Variants in GRHL3 observed in about 807,000 individuals in gnomAD.
The protein encoded by GRHL3 is grainyhead like transcription factor 3.
Under a neutral mutation model 70.3 loss-of-function variants are expected in GRHL3, and 20 were observed. That is an observed-to-expected ratio of 0.28 (90% confidence interval 0.20 to 0.41). The LOEUF (loss-of-function observed/expected upper bound fraction) is 0.41, where lower values mean the gene tolerates loss of function less well. Among genes scored for constraint, GRHL3 ranks in the 10% least tolerant of loss-of-function variants. The pLI is 1.00. For missense variants in GRHL3, 637 were observed against 762.3 expected, an observed-to-expected ratio of 0.84 and a Z score of 1.94; for synonymous variants, 299 against 299.9, an observed-to-expected ratio of 1.00 and a Z score of 0.03.
intron 7 of GRHL3, among the ~76,000 whole-genome samples, chr1:24,338,793 A>T (rs1055668962): frequency 2.0e-5 from 3 of 152,232 alleles, no homozygotes; most frequent in Admixed American, 1.3e-4. Flanking sequence ...GGAGCCAGAC[A>T]GATCTGAGCT....
In GRHL3 at chr1:24,352,919, A is replaced by G. The variant is rs1016054791; in HGVS notation, c.1695-1455A>G. Among the ~76,000 whole-genome samples the G allele has an allele frequency of 2.6e-5, 4 of 152,178 alleles. 1 individual carries two copies. Among genetic ancestry groups the G allele is most frequent in the South Asian group, 4.1e-4 (2 of 4,828 alleles). ...TTCTTCCTGAGAGCGGCAGGGAGAG[A>G]CAACTGGATGTGGGCCATGCCTTCG... is the stretch of plus-strand genomic sequence containing the variant. On this transcript the variant is annotated intron_variant, in intron 15 of 15. Coordinates refer to ENST00000361548, the MANE Select transcript of GRHL3 (RefSeq NM_198173.3).
At chr1:24,336,209 T>G (rs1374142772) in intron 3 of GRHL3, among the ~76,000 whole-genome samples, 2 of 151,836 alleles carry the variant, frequency 1.3e-5, no homozygotes, top group Non-Finnish European at 2.9e-5. Flanking sequence ...CGATTAAACT[T>G]TCAGGGTTTT....
At chr1:24,328,628 G>C (rs1245991384) in intron 1 of GRHL3, among the ~76,000 whole-genome samples, 1 of 152,170 alleles carries the variant, frequency 6.6e-6, no homozygotes, top group Non-Finnish European at 1.5e-5. Context: ...CCTAGAGTCA[G>C]CAGATTGGGG....
At chr1:24,345,416 G>A (rs1640239573) in intron 12 of GRHL3, among the ~76,000 whole-genome samples, 2 of 150,738 alleles carry the variant, frequency 1.3e-5, no homozygotes, top group Admixed American at 6.6e-5. Context: ...GCCAGAGGAG[G>A]AAGCCACCAG....
intron 15 of GRHL3, among the ~76,000 whole-genome samples, chr1:24,351,010 C>T (rs1640483992): frequency 6.6e-6 from 1 of 152,192 alleles, no homozygotes; most frequent in Non-Finnish European, 1.5e-5. Context: ...TGGCATAGGG[C>T]CCCCAGACAG....
At chr1:24,330,768 T>G (rs1211598055) in intron 1 of GRHL3, among the ~76,000 whole-genome samples, 1 of 152,224 alleles carries the variant, frequency 6.6e-6, no homozygotes, top group Non-Finnish European at 1.5e-5. Flanking sequence ...CTTGTATTTG[T>G]CCAAGCTTCT....
intron 14 of GRHL3, among the ~76,000 whole-genome samples, chr1:24,349,242 G>A (rs1182035848): frequency 6.6e-6 from 1 of 152,198 alleles, no homozygotes; most frequent in Non-Finnish European, 1.5e-5. Flanking sequence ...CACTCAACAA[G>A]CCTCTGACCC....
downstream of GRHL3, chr1:24,358,449 A>G: frequency 1.9e-6 from 2 of 1,073,440 alleles, no homozygotes; most frequent in Non-Finnish European, 2.9e-6. Context: ...GTCAGCTGCC[A>G]CACTCATGAT....
In GRHL3 at chr1:24,322,995, A is replaced by G. The variant is rs1262673276; in HGVS notation, c.17+3427A>G. 5.5e-6 allele frequency: 7 copies of G among 1,261,300 alleles called. No individual in the cohort carries two copies. The highest frequency in any genetic ancestry group is 7.9e-6 in the Non-Finnish European group (7 of 886,428). The allele number at this position is 1,261,300 out of a possible 1,614,324, so 78.1% of individuals were successfully genotyped here. A position where few individuals can be genotyped will look rare whatever the true frequency, so the allele number is the denominator to read the frequency against. On this transcript the variant is annotated intron_variant, in intron 1 of 15. Transcript: ENST00000361548. The surrounding 1 kb of genome is among the most constrained non-coding windows in gnomAD (Gnocchi z 4.4). Reference sequence around the variant, plus strand: ...AACCGGGTCTTAGCCGAGCAGCCATAGGCCACCCCGCTTCCTCTGTGCTTA... The same window carrying G: ...AACCGGGTCTTAGCCGAGCAGCCATGGGCCACCCCGCTTCCTCTGTGCTTA...
At chr1:24,357,809 C>G (rs369823252), downstream of GRHL3, 2 of 271,434 alleles carry the variant, frequency 7.4e-6, no homozygotes, top group South Asian at 9.0e-5. Context: ...GCCATGTGGA[C>G]TCCATGGAAG....
At chr1:24,347,710 G>A (rs1640347539) in intron 14 of GRHL3, among the ~76,000 whole-genome samples, 157 bp downstream of exon 14, 2 of 152,144 alleles carry the variant, frequency 1.3e-5, no homozygotes, top group African/African-American at 2.4e-5. Context: ...GGGCCCTGCC[G>A]GTGGGGGTGT....
chr1:24,347,727 G>T (rs1640348321), intron 14 of GRHL3, among the ~76,000 whole-genome samples, 174 bp downstream of exon 14: 5 of 152,172 alleles, frequency 3.3e-5, no homozygotes, highest in Non-Finnish European at 4.4e-5. Flanking sequence ...GTGTGCCTCT[G>T]CGATGTTATC....
chr1:24,353,557 AGTGT>A (rs1291565313), intron 15 of GRHL3, among the ~76,000 whole-genome samples: 1 of 150,880 alleles, frequency 6.6e-6, no homozygotes, highest in Admixed American at 6.6e-5. Flanking sequence ...ATGGATGGGG[AGTGT>A]GTGTATGTGA....
In GRHL3 at chr1:24,346,580, C is replaced by T. The variant is rs778938262; in HGVS notation, c.1482C>T (p.Pro494=). 227 of 1,613,190 alleles carry T rather than the reference C, an allele frequency of 1.4e-4. No individual in the cohort carries two copies. The highest frequency in any genetic ancestry group is 1.8e-4 in the Non-Finnish European group (215 of 1,179,640). The change falls in exon 13 of 16, where the codon CCC becomes CCT. Residue 494 remains proline, a synonymous_variant. Coordinates refer to ENST00000361548, the MANE Select transcript of GRHL3 (RefSeq NM_198173.3). ...NRLPLKRTCS[P]FTEEFEPLPS... ...TGCCTCTGAAGCGTACCTGCTCGCC[C>T]TTCACTGAGGAGTTTGAGCCTCTGC... is the stretch of plus-strand genomic sequence containing the variant.
At chr1:24,355,897 T>C (rs1569937758), downstream of GRHL3, among the ~76,000 whole-genome samples, 1 of 112,356 alleles carries the variant, frequency 8.9e-6, no homozygotes, top group South Asian at 2.7e-4. Flanking sequence ...TTTTCATTTA[T>C]CTTTTTTTTT....
Position 24,319,480 on chromosome 1 carries a change from T to C in GRHL3, c.-72T>C. On this transcript the variant is annotated 5_prime_UTR_variant, in exon 1 of 16. Coordinates refer to ENST00000361548, the MANE Select transcript of GRHL3 (RefSeq NM_198173.3). ...CACTTTCCCGGGCAGAGAATGTCTG[T>C]GTCAGGCAAGAATTAGAGACAAGCG... is the stretch of plus-strand genomic sequence containing the variant. The C allele has an allele frequency of 7.1e-7, 1 of 1,417,652 alleles. No individual in the cohort carries two copies. The highest frequency in any genetic ancestry group is 1.0e-6 in the Non-Finnish European group (1 of 1,001,156). 87.8% of individuals were successfully genotyped at this position (1,417,652 alleles called of 1,614,324 possible). A position where few individuals can be genotyped will look rare whatever the true frequency, so the allele number is the denominator to read the frequency against.
chr1:24,348,776 AT>A, intron 14 of GRHL3, among the ~76,000 whole-genome samples: 1 of 152,106 alleles, frequency 6.6e-6, no homozygotes, highest in East Asian at 1.9e-4. Context: ...TCACATCATC[AT>A]TAAAAGAAAT....
chr1:24,324,872 A>G (rs1383281072), intron 1 of GRHL3, among the ~76,000 whole-genome samples: 2 of 151,670 alleles, frequency 1.3e-5, no homozygotes, highest in Non-Finnish European at 2.9e-5. Flanking sequence ...CATGCCCTAC[A>G]CTCTGCCATT....
chr1:24,343,198 C>A, intron 11 of GRHL3, 173 bp downstream of exon 11: 1 of 636,886 alleles, frequency 1.6e-6, no homozygotes, highest in Non-Finnish European at 2.7e-6. Context: ...CTTCAGTGAC[C>A]TATTGTATTG....
Sources: allele counts gnomAD v4.1 joint callset (sites outside exome capture counted in the v4.1 genomes callset), GRCh38; gene constraint gnomAD v4.1.1; non-coding constraint Gnocchi (gnomAD v3.1); transcripts MANE v1.5; gene names NCBI Gene and HGNC (gene_info 2026-07-23, HGNC 2026-07-21).